Variants in HCK observed in about 807,000 individuals in gnomAD.
HCK encodes tyrosine-protein kinase HCK.
In HCK, 40 loss-of-function variants were observed where a neutral mutation model predicts 70.4. The observed-to-expected ratio is 0.57, with a 90% CI of 0.44 to 0.74. The LOEUF (loss-of-function observed/expected upper bound fraction) is 0.74. Among genes scored for constraint, HCK ranks in the 30% least tolerant of loss-of-function variants. The pLI is 0.00. For missense variants in HCK, 568 were observed against 697.2 expected (o/e 0.81, Z 2.09); for synonymous variants, 245 against 263.2 (o/e 0.93, Z 0.67).
chr20:32,071,003 G>A (rs757660320), intron 1 of HCK, among the ~76,000 whole-genome samples: 75 of 150,302 alleles, frequency 5.0e-4, no homozygotes, highest in Non-Finnish European at 8.4e-4. Context: ...GGGAGGGAAG[G>A]AGTTATAAGC....
At chr20:32,060,586 C>T (rs2045355039) in intron 1 of HCK, among the ~76,000 whole-genome samples, 4 of 152,192 alleles carry the variant, frequency 2.6e-5, no homozygotes, top group Admixed American at 2.6e-4. Context: ...GGGCATCCAG[C>T]AGACTAAATG....
chr20:32,056,082 T>A (rs1364358118), intron 1 of HCK, among the ~76,000 whole-genome samples: 1 of 152,260 alleles, frequency 6.6e-6, no homozygotes, highest in Non-Finnish European at 1.5e-5. Context: ...CAGATGGAAA[T>A]TCAGGTTGTT....
intron 10 of HCK, among the ~76,000 whole-genome samples, chr20:32,089,754 T>G (rs1174938650): frequency 6.6e-6 from 1 of 152,128 alleles, no homozygotes; most frequent in African/African-American, 2.4e-5. Context: ...GGTATTAGAG[T>G]GCATAGCTAG....
At chr20:32,079,733 A>G in intron 5 of HCK, 41 bp from the exon 6 acceptor site, 2 of 1,414,622 alleles carry the variant, frequency 1.4e-6, no homozygotes, top group Non-Finnish European at 2.0e-6. Context: ...ACAGGACTGC[A>G]TGACCCCAGG....
Position 32,099,149 on chromosome 20 carries a change from A to G in HCK, c.1378+14A>G. 6.2e-7 allele frequency: 1 copy of G among 1,613,450 alleles called. No individual in the cohort carries two copies. Among genetic ancestry groups the G allele is most frequent in the East Asian group, 2.2e-5 (1 of 44,876 alleles). ...TCCCTTACCCAGGTAGGGAAGGGGCATCAGCTCAGGGCTGCTACCAGGGCC... is the reference window on the plus strand; with the variant it reads ...TCCCTTACCCAGGTAGGGAAGGGGCGTCAGCTCAGGGCTGCTACCAGGGCC... On this transcript the variant is annotated intron_variant, in intron 12 of 12. Transcript: ENST00000375852.
chr20:32,071,601 G>A, intron 1 of HCK, 61 bp from the exon 2 acceptor site: 1 of 1,590,586 alleles, frequency 6.3e-7, no homozygotes, highest in Non-Finnish European at 8.6e-7. Context: ...GCCAGCATCA[G>A]AAGACTTCCC....
intron 10 of HCK, among the ~76,000 whole-genome samples, chr20:32,089,645 C>T (rs1241485176): frequency 6.6e-6 from 1 of 152,228 alleles, no homozygotes; most frequent in Non-Finnish European, 1.5e-5. Context: ...CCCCACGCCC[C>T]TTGCAGCTCC....
chr20:32,052,469 C>G lies in HCK; in HGVS notation c.45C>G (p.Asp15Glu). ...GCGAGGATCCGGGCTGCCCGCGAGA[C>G]GAGGAGCGGGCGCCCAGGTGAGTGC... is the stretch of plus-strand genomic sequence containing the variant. Residue 15 changes from aspartate to glutamate, a missense_variant, in exon 1 of 13, where the codon GAC becomes GAG. This residue lies in a region of HCK where 318 missense variants were observed against 336.0 expected (regional missense o/e 0.95). Transcript: ENST00000375852. 2.4e-6 allele frequency: 3 copies of G among 1,264,794 alleles called. No homozygotes were observed. Among genetic ancestry groups the G allele is most frequent in the Non-Finnish European group, 3.0e-6 (3 of 996,716 alleles). The allele number at this position is 1,264,794 out of a possible 1,614,324, so 78.3% of individuals were successfully genotyped here. A position where few individuals can be genotyped will look rare whatever the true frequency, so the allele number is the denominator to read the frequency against.
chr20:32,064,508 T>C (rs116190471), intron 1 of HCK, among the ~76,000 whole-genome samples: 151 of 152,340 alleles, frequency 9.9e-4, no homozygotes, highest in African/African-American at 3.5e-3. Context: ...TCAGAGAACT[T>C]CTAATCCAAC....
At chr20:32,085,848 G>A (rs1309150635) in intron 8 of HCK, among the ~76,000 whole-genome samples, 1 of 152,200 alleles carries the variant, frequency 6.6e-6, no homozygotes, top group Non-Finnish European at 1.5e-5. Flanking sequence ...GGCAAGGGGA[G>A]TTTAGTGGCT....
intron 1 of HCK, among the ~76,000 whole-genome samples, chr20:32,055,952 TTAACA>T (rs1346990127): frequency 6.6e-6 from 1 of 152,258 alleles, no homozygotes; most frequent in Non-Finnish European, 1.5e-5. Flanking sequence ...CTTCTTCCAC[TTAACA>T]TAATGTTTTC....
In HCK at chr20:32,094,814, A is replaced by AG. The variant is rs1491438424; in HGVS notation, c.1246+798_1246+799insG. ...GAAAGAAAGAAAGAAAGAAAGAAAGAAAGAAAGAAAGAAAGAAAGAAAGAA... is the reference window on the plus strand; with the variant it reads ...GAAAGAAAGAAAGAAAGAAAGAAAGAGAAGAAAGAAAGAAAGAAAGAAAGAA... On this transcript the variant is annotated intron_variant, in intron 11 of 12. Coordinates refer to ENST00000375852, the MANE Select transcript of HCK (RefSeq NM_002110.5). 4.9e-4 allele frequency among the ~76,000 whole-genome samples: 71 copies of AG among 146,012 alleles called. 3 individuals are homozygous for AG. The highest frequency in any genetic ancestry group is 1.0e-3 in the African/African-American group (41 of 40,268).
At chr20:32,066,859 C>T (rs1198698592) in intron 1 of HCK, among the ~76,000 whole-genome samples, 5 of 151,976 alleles carry the variant, frequency 3.3e-5, no homozygotes, top group African/African-American at 7.3e-5. Context: ...GTAGAGTAAC[C>T]CTTTTTGAGT....
chr20:32,099,350 CTTTTTT>C (rs71336559), intron 12 of HCK, among the ~76,000 whole-genome samples: 1 of 85,136 alleles, frequency 1.2e-5, no homozygotes, highest in African/African-American at 6.5e-5. Flanking sequence ...ACTCCTATGA[CTTTTTT>C]TTTTTTTTTT....
chr20:32,088,169 G>T (rs1201677326), intron 9 of HCK, among the ~76,000 whole-genome samples: 4 of 152,156 alleles, frequency 2.6e-5, no homozygotes, highest in African/African-American at 7.2e-5. Context: ...GTCTCCTAAA[G>T]TGTTGGAATT....
Position 32,073,446 on chromosome 20 carries a change from CCAAA to C in HCK, c.226+88_226+91del, listed in dbSNP as rs1009112657. On this transcript the variant is annotated intron_variant, in intron 3 of 12. Transcript: ENST00000375852. Reference sequence around the variant, plus strand: ...TCTCCCTTAGCTTGAGGCATAAATCCCAAACAGTCAAACCCCTGTCGAGAATCCC... The same window carrying C: ...TCTCCCTTAGCTTGAGGCATAAATCCCAGTCAAACCCCTGTCGAGAATCCC... The C allele has an allele frequency of 1.1e-5, 13 of 1,223,200 alleles. No homozygotes were observed. The African/African-American group carries it at 1.5e-4, about 14-fold the overall frequency. The allele number at this position is 1,223,200 out of a possible 1,614,324, so 75.8% of individuals were successfully genotyped here.
intron 2 of HCK, chr20:32,072,239 T>C (rs564460820): frequency 2.3e-4 from 37 of 161,180 alleles, no homozygotes; most frequent in African/African-American, 8.9e-4. Flanking sequence ...ACAGCAAGAG[T>C]TGTAAAAAGA....
intron 1 of HCK, among the ~76,000 whole-genome samples, chr20:32,061,768 C>G (rs971615973): frequency 1.3e-5 from 2 of 151,904 alleles, no homozygotes; most frequent in African/African-American, 4.8e-5. Flanking sequence ...AAGGAGGGCT[C>G]CAGTGGAATG....
intron 1 of HCK, among the ~76,000 whole-genome samples, chr20:32,060,408 A>G (rs1043003434): frequency 1.3e-5 from 2 of 152,110 alleles, no homozygotes; most frequent in African/African-American, 4.8e-5. Flanking sequence ...TTTGGTTGAG[A>G]CAGGGTTTCA....
Sources: allele counts gnomAD v4.1 joint callset (sites outside exome capture counted in the v4.1 genomes callset), GRCh38; gene constraint gnomAD v4.1.1; regional missense constraint gnomAD v4.1.1; transcripts MANE v1.5; gene names NCBI Gene and HGNC (gene_info 2026-07-23, HGNC 2026-07-21).